The following RBM23 variants were observed in gnomAD, a reference collection of about 807,000 sequenced individuals.
RBM23 encodes the protein probable RNA-binding protein 23.
RBM23 carries 53 observed loss-of-function variants against 56.2 expected under a neutral mutation model. The ratio of observed to expected loss-of-function variants is 0.94; its 90% CI spans 0.76 to 1.19. The LOEUF is 1.19. Among genes scored for constraint, RBM23 ranks in the 50% most tolerant of loss-of-function variants. The probability of loss-of-function intolerance (pLI) is 0.00; values close to 1 mark genes in which losing one functional copy is unlikely to be tolerated. For missense variants in RBM23, 642 were observed against 590.3 expected (o/e 1.09, Z -0.91); for synonymous variants, 197 against 198.5 (o/e 0.99, Z 0.06).
Position 22,895,926 on chromosome 14 carries a change from A to C in RBM23, c.*5804T>G, listed in dbSNP as rs1255215668. On this transcript the variant is annotated 3_prime_UTR_variant, in exon 14 of 14. Coordinates refer to ENST00000359890, the MANE Select transcript of RBM23 (RefSeq NM_001077351.2). ...TAACTATGTGGACAGAGCCTCAAGC[A>C]TAAAGAGATTGGGCTAGTGGGATCT... 6.6e-6 allele frequency: 1 copy of C among 152,246 alleles called. No individual in the cohort carries two copies. The highest frequency in any genetic ancestry group is 2.4e-5 in the African/African-American group (1 of 41,462). The allele number at this position is 152,246 out of a possible 1,614,324, so 9.4% of individuals were successfully genotyped here.
Position 22,908,002 on chromosome 14 carries a change from A to G in RBM23, c.227+331T>C, listed in dbSNP as rs553411356. On this transcript the variant is annotated intron_variant, in intron 4 of 13. Coordinates refer to ENST00000359890, the MANE Select transcript of RBM23 (RefSeq NM_001077351.2). ...TACAATGTGTTTGTGTTTTAAGCTA[A>G]ATGTTTCAATTTTTTATTTTTATTT... 1.2e-4 allele frequency among the ~76,000 whole-genome samples: 18 copies of G among 152,308 alleles called. No homozygotes were observed. In the East Asian group the frequency reaches 3.5e-3, roughly 29 times the overall value.
At chr14:22,905,910 T>G in intron 5 of RBM23, 1 of 590,234 alleles carries the variant, frequency 1.7e-6, no homozygotes, top group Admixed American at 3.0e-5. Context: ...TGACCATATC[T>G]AGCTCATTTT....
At position 22,898,350 on chromosome 14, in the gene RBM23, G is replaced by A. The variant is rs947192993; in HGVS notation, c.*3380C>T. On this transcript the variant is annotated 3_prime_UTR_variant, in exon 14 of 14. Coordinates refer to ENST00000359890, the MANE Select transcript of RBM23 (RefSeq NM_001077351.2). ...AGAATCTTTTCTAGAACTGAAGACTGGTAGGGAAATTCTAACTATGCTGGC... is the reference window on the plus strand; with the variant it reads ...AGAATCTTTTCTAGAACTGAAGACTAGTAGGGAAATTCTAACTATGCTGGC... 6.6e-6 allele frequency: 1 copy of A among 152,160 alleles called. No homozygotes were observed. The highest frequency in any genetic ancestry group is 1.5e-5 in the Non-Finnish European group (1 of 68,040). The allele number at this position is 152,160 out of a possible 1,614,324, so 9.4% of individuals were successfully genotyped here. A position where few individuals can be genotyped will look rare whatever the true frequency, so the allele number is the denominator to read the frequency against.
intron 10 of RBM23, chr14:22,903,664 T>G (rs2041010530): frequency 1.0e-6 from 1 of 1,001,254 alleles, no homozygotes; most frequent in Non-Finnish European, 1.2e-6. Context: ...TCTATCAGAC[T>G]TTGTGGCTGG....
chr14:22,910,450 CAAAAAAAAAAA>C (rs546748436), intron 2 of RBM23, among the ~76,000 whole-genome samples: 2 of 71,156 alleles, frequency 2.8e-5, no homozygotes, highest in East Asian at 5.8e-4. Context: ...AACTTCATCT[CAAAAAAAAAAA>C]AAAAAAAAAA....
chr14:22,905,956 T>C, intron 5 of RBM23: 1 of 605,652 alleles, frequency 1.7e-6, no homozygotes, highest in Non-Finnish European at 2.9e-6. Context: ...CGCCATGTTG[T>C]CCTGGCTGGT....
intron 5 of RBM23, chr14:22,905,924 AT>A (rs2138968194): frequency 1.7e-6 from 1 of 592,402 alleles, no homozygotes. Context: ...TCATTTTTGC[AT>A]TTTTTGTAGA....
Position 22,909,429 on chromosome 14 carries a change from C to T in RBM23, c.179+54G>A, listed in dbSNP as rs939700176. The T allele has an allele frequency of 4.2e-6, 6 of 1,437,650 alleles. 1 individual carries two copies. The South Asian group carries it at 5.7e-5, about 14-fold the overall frequency. 89.1% of individuals were successfully genotyped at this position (1,437,650 alleles called of 1,614,324 possible). ...CTATTCTGGTTATTTTTCCAATGGA[C>T]AAAACTGTTTCCCTTCCCCAAGTTG... On this transcript the variant is annotated intron_variant, in intron 3 of 13. Transcript: ENST00000359890.
chr14:22,918,290 G>A (rs2064387157), intron 1 of RBM23, among the ~76,000 whole-genome samples: 2 of 152,100 alleles, frequency 1.3e-5, no homozygotes, highest in South Asian at 2.1e-4. Context: ...AGCTACTCGG[G>A]AGGCTGAGGC....
At chr14:22,912,783 C>A (rs1167753801) in intron 1 of RBM23, among the ~76,000 whole-genome samples, 1 of 146,960 alleles carries the variant, frequency 6.8e-6, no homozygotes, top group Non-Finnish European at 1.5e-5. Context: ...AGGTCAACGA[C>A]GAGGTCAACA....
intron 2 of RBM23, among the ~76,000 whole-genome samples, chr14:22,910,471 A>G (rs1448127347): frequency 6.9e-6 from 1 of 145,666 alleles, no homozygotes; most frequent in Non-Finnish European, 1.5e-5. Context: ...AAAAAAAAAA[A>G]AAAAGAAAGG....
intron 10 of RBM23, chr14:22,903,766 G>A (rs1566536074): frequency 1.0e-6 from 1 of 1,001,056 alleles, no homozygotes; most frequent in Non-Finnish European, 1.2e-6. Context: ...AAAAGGTGAA[G>A]CTTGCCCATA....
intron 6 of RBM23, 25 bp downstream of exon 6, chr14:22,905,581 A>G (rs1471938205): frequency 6.2e-7 from 1 of 1,607,296 alleles, no homozygotes; most frequent in Non-Finnish European, 8.5e-7. Context: ...CACAATCCCT[A>G]AAACAGTGTT....
In RBM23 at chr14:22,894,053, T is replaced by C. The variant is rs1023874269; in HGVS notation, c.*7677A>G. The C allele has an allele frequency of 2.0e-5, 3 of 152,194 alleles. No individual in the cohort carries two copies. The highest frequency in any genetic ancestry group is 7.2e-5 in the African/African-American group (3 of 41,450). The allele number at this position is 152,194 out of a possible 1,614,324, so 9.4% of individuals were successfully genotyped here. On this transcript the variant is annotated 3_prime_UTR_variant, in exon 14 of 14. Transcript: ENST00000359890. The stretch of plus-strand genomic sequence containing the variant: ...TCTAAAATGAAGAATACCTACCTTA[T>C]AGCGAAGTCATGAGGACTAAATAAA...
rs1194434949 is a variant in RBM23, at chr14:22,895,202, AT to A, written c.*6527del. ...TGGAGAAACCCTGTCTCCACTAAAA[AT>A]ACAAAATTAGCTGGGAGTGGTGGCG... On this transcript the variant is annotated 3_prime_UTR_variant, in exon 14 of 14. Transcript: ENST00000359890. 1 of 151,672 alleles carries A rather than the reference AT, an allele frequency of 6.6e-6. No homozygotes were observed. The highest frequency in any genetic ancestry group is 6.6e-5 in the Admixed American group (1 of 15,242). The allele number at this position is 151,672 out of a possible 1,614,324, so 9.4% of individuals were successfully genotyped here.
intron 3 of RBM23, among the ~76,000 whole-genome samples, chr14:22,908,984 C>T (rs1188597104): frequency 2.6e-5 from 4 of 151,450 alleles, no homozygotes; most frequent in African/African-American, 7.3e-5. Flanking sequence ...ACTCTGTTTC[C>T]CAGGCTGGAG....
At position 22,906,764 on chromosome 14, in the gene RBM23, C is replaced by T. The variant is rs775073560; in HGVS notation, c.228-396G>A. Among the ~76,000 whole-genome samples, 90 of 152,230 alleles carry T rather than the reference C, an allele frequency of 5.9e-4. 1 individual carries two copies. Among genetic ancestry groups the T allele is most frequent in the South Asian group, 4.1e-4 (2 of 4,836 alleles). ...AGAAAAAATAAGACCCAGGGCTGGG[C>T]GCGGTGGCTCACGCCTGTAATCCCA... On this transcript the variant is annotated intron_variant, in intron 4 of 13. Coordinates refer to ENST00000359890, the MANE Select transcript of RBM23 (RefSeq NM_001077351.2).
chr14:22,909,097 C>T (rs1337035945), intron 3 of RBM23, among the ~76,000 whole-genome samples: 1 of 152,092 alleles, frequency 6.6e-6, no homozygotes, highest in South Asian at 2.1e-4. Flanking sequence ...AGCCTGCCAC[C>T]GCGCCCAGCT....
Position 22,901,377 on chromosome 14 carries a change from C to G in RBM23, c.*353G>C. 4.0e-6 allele frequency: 1 copy of G among 252,072 alleles called. No homozygotes were observed. Among genetic ancestry groups the G allele is most frequent in the Non-Finnish European group, 6.7e-6 (1 of 149,518 alleles). The allele number at this position is 252,072 out of a possible 1,614,324, so 15.6% of individuals were successfully genotyped here. On this transcript the variant is annotated 3_prime_UTR_variant, in exon 14 of 14. Coordinates refer to ENST00000359890, the MANE Select transcript of RBM23 (RefSeq NM_001077351.2). ...ACAGGAAAAGGAGAGAGGTCAGTTC[C>G]TTCAGTATGCCCTATGGCCTTCCCA...
Sources: allele counts gnomAD v4.1 joint callset (sites outside exome capture counted in the v4.1 genomes callset), GRCh38; gene constraint gnomAD v4.1.1; transcripts MANE v1.5; gene names NCBI Gene and HGNC (gene_info 2026-07-23, HGNC 2026-07-21).